GRID2: variants seen among roughly 807,000 people sequenced by gnomAD.
GRID2 encodes glutamate ionotropic receptor delta type subunit 2.
In GRID2, 33 loss-of-function variants were observed where a neutral mutation model predicts 114.8. The ratio of observed to expected loss-of-function variants is 0.29; its 90% confidence interval spans 0.22 to 0.38. GRID2 has a LOEUF of 0.38. Ranked by LOEUF, GRID2 falls within the 10% of genes least tolerant of loss-of-function variation. The probability of loss-of-function intolerance (pLI) is 1.00; values close to 1 mark genes in which losing one functional copy is unlikely to be tolerated. For missense variants in GRID2, 1,184 were observed against 1,257.7 expected (o/e 0.94, Z 0.89); for synonymous variants, 505 against 449.9 (o/e 1.12, Z -1.55).
intron 1 of GRID2, among the ~76,000 whole-genome samples, chr4:92,444,647 G>T (rs1733348733): frequency 6.6e-6 from 1 of 152,086 alleles, no homozygotes; most frequent in Non-Finnish European, 1.5e-5. Flanking sequence ...GGGCTCAGAG[G>T]CCTGACATTT....
chr4:93,537,926 A>C (rs1732259722), intron 13 of GRID2, among the ~76,000 whole-genome samples: 1 of 151,846 alleles, frequency 6.6e-6, no homozygotes, highest in Non-Finnish European at 1.5e-5. Context: ...GTTACTAAAC[A>C]AATTTTCACA....
At chr4:92,868,597 T>A (rs995930624) in intron 2 of GRID2, among the ~76,000 whole-genome samples, 3 of 152,204 alleles carry the variant, frequency 2.0e-5, no homozygotes, top group African/African-American at 7.2e-5. Context: ...TGACATTATT[T>A]GTGACTAGTT....
At chr4:93,537,441 A>G (rs2149522615) in intron 13 of GRID2, among the ~76,000 whole-genome samples, 1 of 151,906 alleles carries the variant, frequency 6.6e-6, no homozygotes, top group South Asian at 2.1e-4. Context: ...TGGCTATAAA[A>G]CATGGTAAAA....
intron 9 of GRID2, among the ~76,000 whole-genome samples, chr4:93,400,981 T>G (rs1430232669): frequency 6.6e-6 from 1 of 151,868 alleles, no homozygotes; most frequent in Non-Finnish European, 1.5e-5. Context: ...GGACTACAGG[T>G]GCATGCCACC....
intron 8 of GRID2, chr4:93,258,977 T>A (rs1749937568): frequency 2.2e-6 from 1 of 448,904 alleles, no homozygotes; most frequent in Non-Finnish European, 4.5e-6. Flanking sequence ...ATGTGCTGAC[T>A]AGAGTACCAC....
intron 2 of GRID2, among the ~76,000 whole-genome samples, chr4:92,650,649 C>T (rs944280444): frequency 2.0e-5 from 3 of 151,780 alleles, no homozygotes; most frequent in African/African-American, 4.8e-5. Flanking sequence ...ATCATTGTGT[C>T]TCTTGGTGGA....
chr4:92,918,392 A>G (rs891520941), intron 2 of GRID2, among the ~76,000 whole-genome samples: 1 of 152,136 alleles, frequency 6.6e-6, no homozygotes, highest in Non-Finnish European at 1.5e-5. Flanking sequence ...CACTATGTTG[A>G]ATAGGAGTGG....
intron 4 of GRID2, among the ~76,000 whole-genome samples, chr4:93,170,087 C>A (rs1579181174): frequency 6.6e-6 from 1 of 151,930 alleles, no homozygotes. Context: ...CATCACATAA[C>A]CATTTTATTT....
chr4:92,556,863 A>C (rs1258177396), intron 1 of GRID2, among the ~76,000 whole-genome samples: 6 of 152,124 alleles, frequency 3.9e-5, no homozygotes. Flanking sequence ...AATAGGCTCG[A>C]GGTGAGGGGA....
intron 8 of GRID2, among the ~76,000 whole-genome samples, chr4:93,282,102 A>G (rs1752709881): frequency 6.6e-6 from 1 of 152,042 alleles, no homozygotes; most frequent in South Asian, 2.1e-4. Context: ...TTTGAACGTC[A>G]CATTATTCTT....
intron 1 of GRID2, among the ~76,000 whole-genome samples, chr4:93,787,230 A>G (rs1285189992): frequency 2.6e-5 from 4 of 152,072 alleles, no homozygotes; most frequent in African/African-American, 9.7e-5. Context: ...TGGTTGTCAC[A>G]TGGCCACATC....
chr4:93,765,055 G>A (rs1334329802), intron 14 of GRID2, among the ~76,000 whole-genome samples: 3 of 152,130 alleles, frequency 2.0e-5, no homozygotes, highest in Non-Finnish European at 1.5e-5. Flanking sequence ...AGATTGAAGG[G>A]AACATATCTC....
intron 2 of GRID2, among the ~76,000 whole-genome samples, chr4:93,060,103 A>C (rs1727642454): frequency 6.6e-6 from 1 of 151,998 alleles, no homozygotes; most frequent in African/African-American, 2.4e-5. Context: ...TCATGGAGAG[A>C]GTTTGCTTTG....
chr4:93,326,724 G>C (rs1260358007), intron 8 of GRID2, among the ~76,000 whole-genome samples: 1 of 151,582 alleles, frequency 6.6e-6, no homozygotes, highest in Non-Finnish European at 1.5e-5. Context: ...ATTTTCTTCT[G>C]TTCTGTCCTA....
intron 2 of GRID2, among the ~76,000 whole-genome samples, chr4:92,946,241 C>A (rs572902961): frequency 2.2e-4 from 33 of 152,180 alleles, no homozygotes; most frequent in African/African-American, 7.9e-4. Context: ...TTTTTTCTTA[C>A]AATATATACC....
chr4:93,168,322 A>G (rs911336465), intron 4 of GRID2, among the ~76,000 whole-genome samples: 2 of 152,088 alleles, frequency 1.3e-5, no homozygotes, highest in Admixed American at 1.3e-4. Context: ...TTTTGTTAAT[A>G]TTTCAAATTC....
chr4:92,665,575 G>A (rs1238910223), intron 2 of GRID2, among the ~76,000 whole-genome samples: 1 of 151,002 alleles, frequency 6.6e-6, no homozygotes, highest in Non-Finnish European at 1.5e-5. Flanking sequence ...ATTTTAAACT[G>A]CAAGAGTGTT....
intron 2 of GRID2, among the ~76,000 whole-genome samples, chr4:92,640,030 G>T (rs1731267564): frequency 6.6e-6 from 1 of 151,726 alleles, no homozygotes; most frequent in South Asian, 2.1e-4. Flanking sequence ...TAGACATTTT[G>T]CAGAGTACCT....
chr4:93,802,674 G>A (rs1237967293), intron 1 of GRID2, among the ~76,000 whole-genome samples: 1 of 152,164 alleles, frequency 6.6e-6, no homozygotes, highest in African/African-American at 2.4e-5. Context: ...AAGCATGTAA[G>A]ATTTTTAATT....
Sources: gnomAD v4.1 joint callset for allele counts (sites outside exome capture counted in the v4.1 genomes callset) on GRCh38, gnomAD v4.1.1 for gene constraint, MANE v1.5 for transcripts, NCBI Gene and HGNC (gene_info 2026-07-23, HGNC 2026-07-21) for gene names.